MCCC2: variants seen among roughly 807,000 people sequenced by gnomAD.
The protein encoded by MCCC2 is methylcrotonoyl-CoA carboxylase beta chain, mitochondrial.
A neutral mutation model predicts 77.2 loss-of-function variants in MCCC2; 52 were observed. The observed-to-expected ratio is 0.67, with a 90% CI of 0.54 to 0.85. The LOEUF is 0.85. Ranked by LOEUF, MCCC2 falls within the 40% of genes least tolerant of loss-of-function variation. The probability of loss-of-function intolerance (pLI) is 0.00; values close to 1 mark genes in which losing one functional copy is unlikely to be tolerated. For synonymous variants in MCCC2, 253 were observed against 248.4 expected (o/e 1.02, Z -0.18); for missense variants, 682 against 703.2 (o/e 0.97, Z 0.34).
In MCCC2 at chr5:71,656,971, C is replaced by T; in HGVS notation, c.*111C>T. 1.2e-6 allele frequency: 1 copy of T among 801,524 alleles called. No homozygotes were observed. The highest frequency in any genetic ancestry group is 2.2e-6 in the Non-Finnish European group (1 of 456,096). 49.7% of individuals were successfully genotyped at this position (801,524 alleles called of 1,614,324 possible). On this transcript the variant is annotated 3_prime_UTR_variant, in exon 17 of 17. Transcript: ENST00000340941. Reference sequence around the variant, plus strand: ...GGCTGTTACAGTAATTTTTTTAACACTGTGCATTGTACTTTTCTACCTTAA... The same window carrying T: ...GGCTGTTACAGTAATTTTTTTAACATTGTGCATTGTACTTTTCTACCTTAA...
intron 6 of MCCC2, among the ~76,000 whole-genome samples, chr5:71,614,949 C>T (rs1455942483): frequency 1.3e-5 from 2 of 152,156 alleles, no homozygotes; most frequent in Non-Finnish European, 2.9e-5. Context: ...TGAAGCTTTT[C>T]TCCCTACCTG....
At chr5:71,604,593 T>C in intron 6 of MCCC2, 125 bp downstream of exon 6, 1 of 789,858 alleles carries the variant, frequency 1.3e-6, no homozygotes, top group Non-Finnish European at 2.1e-6. Flanking sequence ...TTTTTTTTTT[T>C]TTTATACTTT....
chr5:71,633,121 A>ATTTTTTTTTT (rs1231509058), intron 8 of MCCC2, among the ~76,000 whole-genome samples: 6 of 29,830 alleles, frequency 2.0e-4, no homozygotes, highest in African/African-American at 5.0e-4. Flanking sequence ...ATATATATAT[A>ATTTTTTTTTT]TATATATATA....
chr5:71,614,162 G>A (rs566207973), intron 6 of MCCC2, among the ~76,000 whole-genome samples: 5 of 151,726 alleles, frequency 3.3e-5, no homozygotes, highest in African/African-American at 1.2e-4. Context: ...TTAATGAACC[G>A]TATTTTTAAG....
intron 10 of MCCC2, among the ~76,000 whole-genome samples, chr5:71,637,609 G>C (rs1354400193): frequency 6.6e-6 from 1 of 152,210 alleles, no homozygotes; most frequent in Non-Finnish European, 1.5e-5. Flanking sequence ...GGTGGCTGTG[G>C]CAATTTCTTA....
chr5:71,612,017 TGACCTCGTGATCTGCC>T (rs749156354), intron 6 of MCCC2, among the ~76,000 whole-genome samples: 174 of 152,208 alleles, frequency 1.1e-3, no homozygotes, highest in African/African-American at 2.8e-3. Context: ...CTCGATCTCC[TGACCTCGTGATCTGCC>T]GACCTCGTGA....
chr5:71,616,266 G>A (rs1746151006), intron 6 of MCCC2, among the ~76,000 whole-genome samples: 1 of 152,240 alleles, frequency 6.6e-6, no homozygotes, highest in African/African-American at 2.4e-5. Flanking sequence ...GGCCACTCTT[G>A]TAAATTAGTC....
rs1309805432 is a variant in MCCC2 at position 71,658,374 on chromosome 5, A to G, written c.*1514A>G. On this transcript the variant is annotated 3_prime_UTR_variant, in exon 17 of 17. Coordinates refer to ENST00000340941, the MANE Select transcript of MCCC2 (RefSeq NM_022132.5). ...CAGTTTAAACTCCACTTCCTTAGGG[A>G]TGTCTCTGTGACCTCCCTGTGCTGG... 6.6e-6 allele frequency: 1 copy of G among 152,122 alleles called. No individual in the cohort carries two copies. Among genetic ancestry groups the G allele is most frequent in the South Asian group, 2.1e-4 (1 of 4,822 alleles). 9.4% of individuals were successfully genotyped at this position (152,122 alleles called of 1,614,324 possible). A position where few individuals can be genotyped will look rare whatever the true frequency, so the allele number is the denominator to read the frequency against.
chr5:71,645,096 T>C (rs187518197), intron 12 of MCCC2, among the ~76,000 whole-genome samples: 5 of 152,306 alleles, frequency 3.3e-5, no homozygotes, highest in East Asian at 1.9e-4. Context: ...ATATATAATA[T>C]ACTTATTTCA....
At chr5:71,627,267 C>T (rs1746564530) in intron 7 of MCCC2, among the ~76,000 whole-genome samples, 1 of 152,194 alleles carries the variant, frequency 6.6e-6, no homozygotes, top group Non-Finnish European at 1.5e-5. Context: ...GTTGCTTCCA[C>T]TCTCAGGCTA....
At chr5:71,637,119 G>A (rs965433599) in intron 10 of MCCC2, among the ~76,000 whole-genome samples, 1 of 152,170 alleles carries the variant, frequency 6.6e-6, no homozygotes, top group East Asian at 1.9e-4. Flanking sequence ...ATTATTCTAT[G>A]TATAAGTCTA....
At chr5:71,606,501 T>C (rs1261876813) in intron 6 of MCCC2, among the ~76,000 whole-genome samples, 3 of 144,254 alleles carry the variant, frequency 2.1e-5, no homozygotes, top group Non-Finnish European at 4.6e-5. Context: ...TTTCTAGATA[T>C]ACAATCATGT....
At chr5:71,602,347 A>C (rs1745470308) in intron 4 of MCCC2, among the ~76,000 whole-genome samples, 159 bp from the exon 5 acceptor site, 1 of 152,230 alleles carries the variant, frequency 6.6e-6, no homozygotes, top group Non-Finnish European at 1.5e-5. Context: ...AACTGTGATT[A>C]AAGTTTGCAT....
chr5:71,612,756 A>T (rs1746007821), intron 6 of MCCC2, among the ~76,000 whole-genome samples: 1 of 152,202 alleles, frequency 6.6e-6, no homozygotes, highest in African/African-American at 2.4e-5. Context: ...CAATTTATGT[A>T]TTTATTTAGA....
intron 3 of MCCC2, among the ~76,000 whole-genome samples, chr5:71,598,606 A>ATTTTTTTTTT (rs34190236): frequency 5.2e-5 from 6 of 115,344 alleles, no homozygotes; most frequent in South Asian, 2.9e-4. Context: ...CGCCTGGCTA[A>ATTTTTTTTTT]TTTTTTTTTT....
chr5:71,615,307 T>A (rs1017727394), intron 6 of MCCC2, among the ~76,000 whole-genome samples: 36 of 152,182 alleles, frequency 2.4e-4, no homozygotes, highest in African/African-American at 8.7e-4. Context: ...TCATTCTAAC[T>A]GCTCACTCCT....
Position 71,589,960 on chromosome 5 carries a change from A to C in MCCC2, c.129+2406A>C, listed in dbSNP as rs76580995. ...GCTTCTCACTCACCCAGCTCTACCT[A>C]GGTGGGTTCTATGGTTGAAAAGATG... is the stretch of plus-strand genomic sequence containing the variant. On this transcript the variant is annotated intron_variant, in intron 1 of 16. Coordinates refer to ENST00000340941, the MANE Select transcript of MCCC2 (RefSeq NM_022132.5). Among the ~76,000 whole-genome samples the C allele has an allele frequency of 6.6e-5, 10 of 152,274 alleles. No individual in the cohort carries two copies. In the East Asian group the frequency reaches 7.7e-4, roughly 12 times the overall value.
intron 6 of MCCC2, among the ~76,000 whole-genome samples, chr5:71,609,810 T>C (rs1249004370): frequency 2.6e-5 from 4 of 152,074 alleles, no homozygotes; most frequent in Non-Finnish European, 5.9e-5. Flanking sequence ...GCTGCAGGTC[T>C]GTTGGAATAC....
In MCCC2 at chr5:71,613,168, A is replaced by C. The variant is rs535530794; in HGVS notation, c.624+8700A>C. Among the ~76,000 whole-genome samples, 3 of 152,336 alleles carry C rather than the reference A, an allele frequency of 2.0e-5. No homozygotes were observed. In the East Asian group the frequency reaches 5.8e-4, roughly 29 times the overall value. ...ACAAGATTCTTAATTATATCTGCAAAGATTCCTTTTTCAAATGAGACCATC... is the reference window on the plus strand; with the variant it reads ...ACAAGATTCTTAATTATATCTGCAACGATTCCTTTTTCAAATGAGACCATC... On this transcript the variant is annotated intron_variant, in intron 6 of 16. Transcript: ENST00000340941.
Sources: gnomAD v4.1 joint callset for allele counts (sites outside exome capture counted in the v4.1 genomes callset) on GRCh38, gnomAD v4.1.1 for gene constraint, MANE v1.5 for transcripts, NCBI Gene and HGNC (gene_info 2026-07-23, HGNC 2026-07-21) for gene names.